Variants in KAZN observed in about 807,000 individuals in gnomAD.
The protein encoded by KAZN is kazrin, periplakin interacting protein, also known as kazrin.
Under a neutral mutation model 87.4 loss-of-function variants are expected in KAZN, and 40 were observed. That is an observed-to-expected ratio of 0.46 (90% confidence interval 0.36 to 0.60). The LOEUF is 0.60. Among genes scored for constraint, KAZN ranks in the 20% least tolerant of loss-of-function variants. The pLI is 0.00. For missense variants in KAZN, 898 were observed against 1,073.9 expected, an observed-to-expected ratio of 0.84 and a Z score of 2.29; for synonymous variants, 466 against 458.3, an observed-to-expected ratio of 1.02 and a Z score of -0.22.
At chr1:14,681,604 T>A (rs1557885444) in intron 1 of KAZN, among the ~76,000 whole-genome samples, 1 of 41,566 alleles carries the variant, frequency 2.4e-5, no homozygotes, top group Non-Finnish European at 5.5e-5. Flanking sequence ...TATATATATA[T>A]GTATATGTGT....
chr1:14,952,606 C>G (rs1662629865), intron 1 of KAZN, among the ~76,000 whole-genome samples: 1 of 151,880 alleles, frequency 6.6e-6, no homozygotes, highest in African/African-American at 2.4e-5. Context: ...TCAGGGTGTC[C>G]ACCCCGATGG....
At position 14,162,428 on chromosome 1, in the gene KAZN, T is replaced by A. The variant is rs574097813; in HGVS notation, c.92-18007T>A. Among the ~76,000 whole-genome samples, 38 of 152,302 alleles carry A rather than the reference T, an allele frequency of 2.5e-4. 1 individual carries two copies. The highest frequency in any genetic ancestry group is 6.8e-3 in the Middle Eastern group (2 of 294). On this transcript the variant is annotated intron_variant, in intron 1 of 16. Transcript: ENST00000636203. Reference sequence around the variant, plus strand: ...GAAACTACTGAGGGATGACATTAACTTTCTTAGAAACCCCAATTTTACTGT... The same window carrying A: ...GAAACTACTGAGGGATGACATTAACATTCTTAGAAACCCCAATTTTACTGT...
intron 1 of KAZN, among the ~76,000 whole-genome samples, chr1:14,711,305 G>A (rs946149870): frequency 4.7e-5 from 7 of 149,698 alleles, no homozygotes; most frequent in East Asian, 2.0e-4. Flanking sequence ...CCAGGAGTTC[G>A]AGACCAACCT....
At chr1:14,531,825 G>A (rs1412505189) in intron 2 of KAZN, among the ~76,000 whole-genome samples, 1 of 152,142 alleles carries the variant, frequency 6.6e-6, no homozygotes, top group Non-Finnish European at 1.5e-5. Context: ...TTTGCAAAAT[G>A]TTTCCACGTA....
intron 2 of KAZN, among the ~76,000 whole-genome samples, chr1:14,236,635 C>T (rs543325528): frequency 7.9e-5 from 12 of 152,246 alleles, no homozygotes; most frequent in African/African-American, 2.9e-4. Context: ...TAAAACGTAT[C>T]GGCCAGGCAC....
intron 2 of KAZN, among the ~76,000 whole-genome samples, chr1:14,474,521 G>A (rs1668617460): frequency 1.3e-5 from 2 of 152,208 alleles, no homozygotes; most frequent in South Asian, 2.1e-4. Flanking sequence ...AGGAATAAAC[G>A]AACAGTTGAC....
chr1:14,305,674 T>C (rs938537413), intron 2 of KAZN, among the ~76,000 whole-genome samples: 3 of 149,908 alleles, frequency 2.0e-5, no homozygotes, highest in Non-Finnish European at 4.4e-5. Context: ...TTTTGTTTTC[T>C]TTTTTTTTAA....
chr1:14,683,871 C>T (rs1234774582), intron 1 of KAZN, among the ~76,000 whole-genome samples: 2 of 152,212 alleles, frequency 1.3e-5, no homozygotes, highest in Non-Finnish European at 2.9e-5. Flanking sequence ...CATCTAGCCC[C>T]TACCTAGCAC....
At chr1:15,035,652 A>T (rs1207712157) in intron 3 of KAZN, among the ~76,000 whole-genome samples, 1 of 152,176 alleles carries the variant, frequency 6.6e-6, no homozygotes, top group African/African-American at 2.4e-5. Flanking sequence ...ATTCGAGACC[A>T]GCCTGGCCAA....
At chr1:14,498,672 A>G (rs1020178284) in intron 2 of KAZN, among the ~76,000 whole-genome samples, 4 of 152,102 alleles carry the variant, frequency 2.6e-5, no homozygotes, top group Non-Finnish European at 4.4e-5. Context: ...AGCCTGGGCG[A>G]CAGAGCAAGA....
At chr1:14,093,365 C>T (rs1174888946) in intron 1 of KAZN, among the ~76,000 whole-genome samples, 3 of 152,186 alleles carry the variant, frequency 2.0e-5, no homozygotes, top group Non-Finnish European at 2.9e-5. Context: ...TCATCATTTA[C>T]ATTTTGTTTG....
chr1:15,105,561 GTT>G (rs60152207), intron 13 of KAZN, among the ~76,000 whole-genome samples: 1 of 143,498 alleles, frequency 7.0e-6, no homozygotes. Context: ...TTTGAGTTTT[GTT>G]TTTTTTTTTA....
chr1:15,105,446 C>T (rs2100726441), intron 13 of KAZN, among the ~76,000 whole-genome samples: 1 of 152,254 alleles, frequency 6.6e-6, no homozygotes, highest in South Asian at 2.1e-4. Context: ...AATCTGGTGG[C>T]ATGCAGTTGA....
At chr1:14,642,325 G>A (rs577910545) in intron 1 of KAZN, among the ~76,000 whole-genome samples, 2 of 152,268 alleles carry the variant, frequency 1.3e-5, no homozygotes, top group South Asian at 2.1e-4. Context: ...GCTTGAACCC[G>A]GGAGGCGGAG....
chr1:14,982,414 G>A (rs945382800), intron 2 of KAZN, among the ~76,000 whole-genome samples: 7 of 138,658 alleles, frequency 5.0e-5, no homozygotes, highest in African/African-American at 1.9e-4. Context: ...CTCAGCACCT[G>A]AGATTTTTTT....
chr1:14,601,143 G>C (rs1676940760), intron 1 of KAZN, among the ~76,000 whole-genome samples: 1 of 152,198 alleles, frequency 6.6e-6, no homozygotes, highest in South Asian at 2.1e-4. Flanking sequence ...CATGTCAGTG[G>C]CTGGCTGTGG....
chr1:14,084,096 AAC>A (rs201950410), intron 1 of KAZN, among the ~76,000 whole-genome samples: 1 of 152,222 alleles, frequency 6.6e-6, no homozygotes, highest in East Asian at 1.9e-4. Flanking sequence ...TGAGAAGGCT[AAC>A]ACAGCCCCTC....
At chr1:14,989,334 G>C (rs1667131170) in intron 2 of KAZN, among the ~76,000 whole-genome samples, 1 of 146,314 alleles carries the variant, frequency 6.8e-6, no homozygotes, top group East Asian at 1.9e-4. Context: ...AAATTAGCCA[G>C]GTTTGGTGGT....
chr1:14,058,554 A>G (rs1642668848), intron 1 of KAZN, among the ~76,000 whole-genome samples: 1 of 152,236 alleles, frequency 6.6e-6, no homozygotes, highest in African/African-American at 2.4e-5. Flanking sequence ...CGATGCTGGC[A>G]TGCAACAGTA....
Sources: allele counts gnomAD v4.1 joint callset (sites outside exome capture counted in the v4.1 genomes callset), GRCh38; gene constraint gnomAD v4.1.1; transcripts MANE v1.5; gene names NCBI Gene and HGNC (gene_info 2026-07-23, HGNC 2026-07-21).